PCBP3: variants seen among roughly 807,000 people sequenced by gnomAD.
PCBP3 encodes poly(rC)-binding protein 3.
Under a neutral mutation model 52.7 loss-of-function variants are expected in PCBP3, and 25 were observed. The ratio of observed to expected loss-of-function variants is 0.47; its 90% CI spans 0.35 to 0.66. PCBP3 has a LOEUF of 0.66. Among genes scored for constraint, PCBP3 ranks in the 30% least tolerant of loss-of-function variants. The probability of loss-of-function intolerance (pLI) is 0.01; values close to 1 mark genes in which losing one functional copy is unlikely to be tolerated. For missense variants in PCBP3, 391 were observed against 490.3 expected (o/e 0.80, Z 1.91); for synonymous variants, 162 against 183.0 (o/e 0.89, Z 0.93).
chr21:45,786,614 T>C (rs1029579920), intron 4 of PCBP3, among the ~76,000 whole-genome samples: 1 of 152,164 alleles, frequency 6.6e-6, no homozygotes, highest in Non-Finnish European at 1.5e-5. Flanking sequence ...TGAAGAGTTA[T>C]GAAAACCACC....
chr21:45,654,338 A>ATT (rs398036499), intron 1 of PCBP3, among the ~76,000 whole-genome samples: 2,544 of 109,354 alleles, frequency 0.023, 86 homozygotes, highest in Middle Eastern at 0.038. Context: ...TAGACATTGC[A>ATT]TTTTTTTTTT....
intron 1 of PCBP3, among the ~76,000 whole-genome samples, chr21:45,644,413 C>G (rs1043497397): frequency 1.3e-5 from 2 of 151,912 alleles, no homozygotes; most frequent in Non-Finnish European, 2.9e-5. Context: ...TCTTGTTGCT[C>G]GCTGTGTTTT....
chr21:45,708,668 G>A (rs1441790793), intron 2 of PCBP3, among the ~76,000 whole-genome samples: 1 of 152,218 alleles, frequency 6.6e-6, no homozygotes, highest in Non-Finnish European at 1.5e-5. Context: ...AGGGGTGGGA[G>A]TTAATACAAT....
intron 10 of PCBP3, among the ~76,000 whole-genome samples, chr21:45,909,769 CCACCCACT>C (rs2096297990): frequency 8.8e-6 from 1 of 113,028 alleles, no homozygotes; most frequent in Non-Finnish European, 1.9e-5. Context: ...CGGACCCCCC[CCACCCACT>C]GCCCAGATAC....
At chr21:45,712,290 T>G (rs573498143) in intron 2 of PCBP3, among the ~76,000 whole-genome samples, 1 of 152,348 alleles carries the variant, frequency 6.6e-6, no homozygotes, top group African/African-American at 2.4e-5. Context: ...TGGATCATAT[T>G]GTAAAAGTAT....
intron 2 of PCBP3, among the ~76,000 whole-genome samples, chr21:45,701,649 C>T (rs1360496306): frequency 1.3e-5 from 2 of 152,210 alleles, no homozygotes; most frequent in African/African-American, 4.8e-5. Context: ...CAACCTCTGC[C>T]TCACAATCTC....
At chr21:45,887,779 G>T (rs1248891352) in intron 5 of PCBP3, among the ~76,000 whole-genome samples, 2 of 152,192 alleles carry the variant, frequency 1.3e-5, no homozygotes, top group Non-Finnish European at 2.9e-5. Flanking sequence ...CTGCCAGGTC[G>T]CCCTTTATAG....
chr21:45,900,724 A>G, intron 8 of PCBP3, 101 bp downstream of exon 8: 1 of 993,726 alleles, frequency 1.0e-6, no homozygotes, highest in Non-Finnish European at 1.6e-6. Context: ...GCTCTTGGCC[A>G]GCCGGGGTGT....
In PCBP3 at chr21:45,741,381, C is replaced by T. The variant is rs530748126; in HGVS notation, c.-162+5952C>T. ...GTGTGGGTACCAGGTGCACAGCCAG[C>T]GAGGGGAGTCCTGGAAAGTGGGGAG... On this transcript the variant is annotated intron_variant, in intron 3 of 17. Transcript: ENST00000681687. This position sits in a 1 kb window ranked among gnomAD's most constrained non-coding sequence, Gnocchi z 4.5. Among the ~76,000 whole-genome samples, 58 of 152,100 alleles carry T rather than the reference C, an allele frequency of 3.8e-4. 1 individual carries two copies. In the South Asian group the frequency reaches 0.012, roughly 31 times the overall value.
intron 13 of PCBP3, among the ~76,000 whole-genome samples, chr21:45,921,756 T>G (rs2074472546): frequency 6.6e-6 from 1 of 151,806 alleles, no homozygotes; most frequent in Non-Finnish European, 1.5e-5. Flanking sequence ...GAGGTGGAGG[T>G]TGCAGTGAGC....
rs1231842065 is a variant in PCBP3 at position 45,919,834 on chromosome 21, TGTGCGCGC to T, written c.717+2207_717+2214del. The stretch of plus-strand genomic sequence containing the variant: ...GCAGAGGTGTGTGTGTGTGTGTGTG[TGTGCGCGC>T]GCGCGTGCGCGTCCCCGTGCATGTG... On this transcript the variant is annotated intron_variant, in intron 13 of 17. Coordinates refer to ENST00000681687, the MANE Select transcript of PCBP3 (RefSeq NM_001384156.1). 8.1e-5 allele frequency among the ~76,000 whole-genome samples: 5 copies of T among 61,548 alleles called. No individual in the cohort carries two copies. The East Asian group carries it at 9.4e-4, about 12-fold the overall frequency. 40.4% of individuals were successfully genotyped at this position (61,548 alleles called of 152,430 possible).
Position 45,724,615 on chromosome 21 carries a change from G to A in PCBP3, c.-199-10777G>A, listed in dbSNP as rs2084896001. On this transcript the variant is annotated intron_variant, in intron 2 of 17. Coordinates refer to ENST00000681687, the MANE Select transcript of PCBP3 (RefSeq NM_001384156.1). This position sits in a 1 kb window ranked among gnomAD's most constrained non-coding sequence, Gnocchi z 5.3. ...AGGTGTTAGCGGTGTCACTGTAAGTGTGAGAATGAGAAGCGGTGTGAGACG... is the reference window on the plus strand; with the variant it reads ...AGGTGTTAGCGGTGTCACTGTAAGTATGAGAATGAGAAGCGGTGTGAGACG... Among the ~76,000 whole-genome samples, 1 of 152,174 alleles carries A rather than the reference G, an allele frequency of 6.6e-6. No homozygotes were observed. Among genetic ancestry groups the A allele is most frequent in the Admixed American group, 6.5e-5 (1 of 15,278 alleles).
At chr21:45,667,957 G>A (rs2080915822) in intron 1 of PCBP3, among the ~76,000 whole-genome samples, 1 of 152,086 alleles carries the variant, frequency 6.6e-6, no homozygotes, top group Admixed American at 6.5e-5. Flanking sequence ...ATAGTTTAGT[G>A]GTCAGCTAAT....
chr21:45,914,394 G>C, intron 12 of PCBP3: 2 of 455,774 alleles, frequency 4.4e-6, no homozygotes, highest in Non-Finnish European at 7.7e-6. Flanking sequence ...TGAGAACCAG[G>C]GTCTTGTTTC....
chr21:45,811,176 C>A (rs566529660), intron 4 of PCBP3, among the ~76,000 whole-genome samples: 1 of 152,316 alleles, frequency 6.6e-6, no homozygotes, highest in South Asian at 2.1e-4. Context: ...GCATTTGCTA[C>A]ATGTGGCCAC....
chr21:45,750,877 TG>T (rs2087414082), intron 3 of PCBP3: 1 of 127,514 alleles, frequency 7.8e-6, no homozygotes, highest in African/African-American at 2.9e-5. Context: ...TACATGTAAG[TG>T]TGTGTGTGTG....
At chr21:45,660,845 C>T (rs2080342604) in intron 1 of PCBP3, among the ~76,000 whole-genome samples, 1 of 152,128 alleles carries the variant, frequency 6.6e-6, no homozygotes, top group African/African-American at 2.4e-5. Context: ...TCGAGACCAG[C>T]CTGGCCAACA....
rs140624552 is a variant in PCBP3 at position 45,808,115 on chromosome 21, A to G, written c.-125-41846A>G. 2.0e-4 allele frequency among the ~76,000 whole-genome samples: 31 copies of G among 152,310 alleles called. 1 individual carries two copies. The East Asian group carries it at 5.8e-3, about 28-fold the overall frequency. ...AACCCTAGAAGAAAACCTAGGCAAT[A>G]CCATTCAGGACATAGGCATGGGCAA... On this transcript the variant is annotated intron_variant, in intron 4 of 17. Transcript: ENST00000681687.
At chr21:45,725,370 A>G (rs73232737) in intron 2 of PCBP3, among the ~76,000 whole-genome samples, 16 of 152,354 alleles carry the variant, frequency 1.1e-4, no homozygotes, top group East Asian at 1.9e-4. Flanking sequence ...CCCTTGTCCA[A>G]TAAATCTTAA....
Sources: gnomAD v4.1 joint callset for allele counts (sites outside exome capture counted in the v4.1 genomes callset) on GRCh38, gnomAD v4.1.1 for gene constraint, Gnocchi (gnomAD v3.1) non-coding constraint, MANE v1.5 for transcripts, NCBI Gene and HGNC (gene_info 2026-07-23, HGNC 2026-07-21) for gene names.